The following FOXJ3 variants were observed in gnomAD, a reference collection of about 807,000 sequenced individuals.
FOXJ3 encodes the protein forkhead box J3.
A neutral mutation model predicts 76.1 loss-of-function variants in FOXJ3; 22 were observed. The observed-to-expected ratio is 0.29, with a 90% CI of 0.21 to 0.41. The LOEUF (loss-of-function observed/expected upper bound fraction) is 0.41, where lower values mean the gene tolerates loss of function less well. Among genes scored for constraint, FOXJ3 ranks in the 10% least tolerant of loss-of-function variants. The probability of loss-of-function intolerance (pLI) is 1.00; values close to 1 mark genes in which losing one functional copy is unlikely to be tolerated. For missense variants in FOXJ3, 613 were observed against 762.1 expected, an observed-to-expected ratio of 0.80 and a Z score of 2.30; for synonymous variants, 269 against 261.2, an observed-to-expected ratio of 1.03 and a Z score of -0.29.
chr1:42,246,092 T>C (rs761258567), intron 4 of FOXJ3, among the ~76,000 whole-genome samples: 9 of 152,050 alleles, frequency 5.9e-5, no homozygotes, highest in Admixed American at 1.3e-4. Flanking sequence ...CTTCAGGACA[T>C]TGAGTAGACA....
intron 6 of FOXJ3, among the ~76,000 whole-genome samples, chr1:42,199,630 A>T (rs1646719601): frequency 6.6e-6 from 1 of 152,110 alleles, no homozygotes; most frequent in South Asian, 2.1e-4. Context: ...ACATAAAAAA[A>T]AAAAGATTTT....
intron 3 of FOXJ3, among the ~76,000 whole-genome samples, chr1:42,268,808 A>G (rs1651662673): frequency 6.6e-6 from 1 of 152,150 alleles, no homozygotes; most frequent in South Asian, 2.1e-4. Context: ...TTGAAACCTA[A>G]TTCCCAATGT....
intron 1 of FOXJ3, among the ~76,000 whole-genome samples, chr1:42,323,155 C>CTAG (rs1330139986): frequency 1.3e-5 from 2 of 152,108 alleles, no homozygotes; most frequent in African/African-American, 4.8e-5. Context: ...TCCACCTCAC[C>CTAG]TCTACCATAC....
intron 4 of FOXJ3, among the ~76,000 whole-genome samples, chr1:42,242,271 A>G (rs1460956220): frequency 6.6e-6 from 1 of 152,124 alleles, no homozygotes. Context: ...ATGAAAACGA[A>G]ACTTATTAAA....
intron 2 of FOXJ3, among the ~76,000 whole-genome samples, chr1:42,290,326 T>C (rs1186046820): frequency 2.0e-5 from 3 of 152,172 alleles, no homozygotes; most frequent in African/African-American, 2.4e-5. Context: ...TACCTACTAC[T>C]AGTTAATATC....
chr1:42,238,225 G>A (rs143261363), intron 4 of FOXJ3, among the ~76,000 whole-genome samples: 22 of 152,008 alleles, frequency 1.4e-4, no homozygotes, highest in African/African-American at 5.1e-4. Flanking sequence ...AGTAGAGATG[G>A]GATTTCACCA....
At chr1:42,315,573 C>T (rs1655056134) in intron 1 of FOXJ3, 2 of 186,962 alleles carry the variant, frequency 1.1e-5, no homozygotes, top group Non-Finnish European at 2.0e-5. Context: ...CAGTGTTATT[C>T]ATTTTTCCTC....
intron 1 of FOXJ3, among the ~76,000 whole-genome samples, chr1:42,329,807 TTAAC>T (rs1240383813): frequency 9.2e-5 from 14 of 152,388 alleles, no homozygotes; most frequent in African/African-American, 3.4e-4. Context: ...AAATTGCTGT[TTAAC>T]TGTTTCCCCA....
chr1:42,290,786 T>C (rs538210990), intron 2 of FOXJ3, among the ~76,000 whole-genome samples: 1 of 152,278 alleles, frequency 6.6e-6, no homozygotes, highest in Non-Finnish European at 1.5e-5. Flanking sequence ...TCCCATGTGC[T>C]CAAAGAAGCC....
chr1:42,249,756 C>T (rs1649864752), intron 4 of FOXJ3, among the ~76,000 whole-genome samples: 1 of 152,088 alleles, frequency 6.6e-6, no homozygotes. Flanking sequence ...AAACGAAAAA[C>T]TCACAATTGA....
intron 11 of FOXJ3, among the ~76,000 whole-genome samples, chr1:42,184,702 G>A (rs1239357640): frequency 2.6e-5 from 4 of 152,048 alleles, no homozygotes; most frequent in East Asian, 3.8e-4. Context: ...AAAAAAAGCA[G>A]AGAGAGAGAA....
At chr1:42,250,598 C>A (rs769522395) in intron 4 of FOXJ3, among the ~76,000 whole-genome samples, 2 of 152,020 alleles carry the variant, frequency 1.3e-5, no homozygotes, top group Non-Finnish European at 2.9e-5. Context: ...GGGCAGATCA[C>A]CTGAGGTCGG....
chr1:42,249,032 T>C (rs1424242155), intron 4 of FOXJ3, among the ~76,000 whole-genome samples: 1 of 152,118 alleles, frequency 6.6e-6, no homozygotes, highest in African/African-American at 2.4e-5. Context: ...GTTAGTTTGC[T>C]GAGGATGGTG....
intron 1 of FOXJ3, among the ~76,000 whole-genome samples, chr1:42,323,197 A>G (rs566138967): frequency 6.6e-6 from 1 of 152,338 alleles, no homozygotes; most frequent in East Asian, 1.9e-4. Flanking sequence ...GAGGATTTCA[A>G]GAGTTGTTAA....
At chr1:42,257,852 A>G (rs1650726737) in intron 4 of FOXJ3, among the ~76,000 whole-genome samples, 1 of 152,228 alleles carries the variant, frequency 6.6e-6, no homozygotes, top group Non-Finnish European at 1.5e-5. Context: ...TACTTCAAAT[A>G]AAGTGCATTT....
intron 1 of FOXJ3, among the ~76,000 whole-genome samples, chr1:42,323,279 C>T (rs1655540379): frequency 6.6e-6 from 1 of 152,120 alleles, no homozygotes; most frequent in Non-Finnish European, 1.5e-5. Context: ...TGTTCAATAT[C>T]CTAAAATGCT....
chr1:42,312,218 A>AT (rs1278977322), intron 1 of FOXJ3, among the ~76,000 whole-genome samples: 1 of 152,096 alleles, frequency 6.6e-6, no homozygotes, highest in African/African-American at 2.4e-5. Context: ...CAATCTCTTG[A>AT]TTTTTTAACG....
chr1:42,279,820 T>C (rs1183780684), intron 2 of FOXJ3, among the ~76,000 whole-genome samples: 1 of 152,016 alleles, frequency 6.6e-6, no homozygotes, highest in African/African-American at 2.4e-5. Context: ...AAAAAAAAAC[T>C]TAAAGGTTTC....
chr1:42,334,320 A>G (rs990027058), intron 1 of FOXJ3, among the ~76,000 whole-genome samples: 1 of 152,204 alleles, frequency 6.6e-6, no homozygotes, highest in South Asian at 2.1e-4. Context: ...TCGGCAAAGC[A>G]AACTGACCCT....
Sources: gnomAD v4.1 joint callset for allele counts (sites outside exome capture counted in the v4.1 genomes callset) on GRCh38, gnomAD v4.1.1 for gene constraint, MANE v1.5 for transcripts, NCBI Gene and HGNC (gene_info 2026-07-23, HGNC 2026-07-21) for gene names.